Variants in C7 observed in about 807,000 individuals in gnomAD.
The protein encoded by C7 is complement C7, also known as complement component C7.
A neutral mutation model predicts 104.8 loss-of-function variants in C7; 83 were observed. The observed-to-expected ratio is 0.79, with a 90% CI of 0.66 to 0.95. The LOEUF (loss-of-function observed/expected upper bound fraction) is 0.95, where lower values mean the gene tolerates loss of function less well. Ranked by LOEUF, C7 falls within the 40% of genes least tolerant of loss-of-function variation. The pLI, the probability that C7 is intolerant of heterozygous loss-of-function variation, is 0.00. For missense variants in C7, 1,070 were observed against 1,011.2 expected (o/e 1.06, Z -0.79); for synonymous variants, 415 against 360.6 (o/e 1.15, Z -1.71).
intron 1 of C7, among the ~76,000 whole-genome samples, chr5:40,919,453 T>G (rs1420702433): frequency 6.6e-6 from 1 of 152,072 alleles, no homozygotes; most frequent in Non-Finnish European, 1.5e-5. Flanking sequence ...CACAGTGATA[T>G]GACACTAGAA....
At chr5:40,953,079 A>C (rs537341010) in intron 9 of C7, among the ~76,000 whole-genome samples, 27 of 152,248 alleles carry the variant, frequency 1.8e-4, no homozygotes, top group South Asian at 1.7e-3. Flanking sequence ...TCAGTAATAC[A>C]GGGATGGGAC....
At chr5:40,962,875 T>A (rs1458052499) in intron 13 of C7, among the ~76,000 whole-genome samples, 9 of 152,182 alleles carry the variant, frequency 5.9e-5, no homozygotes. Context: ...ATTTTGCTTT[T>A]CAAACCCCAG....
At chr5:40,969,038 A>G (rs1160121191) in intron 14 of C7, among the ~76,000 whole-genome samples, 1 of 152,140 alleles carries the variant, frequency 6.6e-6, no homozygotes, top group African/African-American at 2.4e-5. Flanking sequence ...GAGAGCGCCC[A>G]TCTACTTCCT....
At chr5:40,965,888 C>G (rs1475492869) in intron 14 of C7, among the ~76,000 whole-genome samples, 1 of 151,652 alleles carries the variant, frequency 6.6e-6, no homozygotes, top group Non-Finnish European at 1.5e-5. Flanking sequence ...GGCAATCCAC[C>G]CATCTTGGCC....
chr5:40,971,450 A>G (rs1352149059), intron 14 of C7, among the ~76,000 whole-genome samples: 1 of 152,084 alleles, frequency 6.6e-6, no homozygotes, highest in African/African-American at 2.4e-5. Context: ...TTTCTGTTGT[A>G]AATTTGTTTA....
At chr5:40,912,236 T>C (rs1035885246) in intron 1 of C7, among the ~76,000 whole-genome samples, 3 of 152,188 alleles carry the variant, frequency 2.0e-5, no homozygotes, top group Admixed American at 6.6e-5. Flanking sequence ...AGATTCACTT[T>C]GTATAACATG....
intron 9 of C7, 91 bp from the exon 10 acceptor site, chr5:40,955,296 A>G (rs1459396707): frequency 4.2e-6 from 5 of 1,183,190 alleles, no homozygotes; most frequent in Non-Finnish European, 6.1e-6. Context: ...CTGTTTCCAT[A>G]GTTTGGCTTT....
At chr5:40,958,640 C>T (rs1426500335) in intron 11 of C7, among the ~76,000 whole-genome samples, 1 of 152,148 alleles carries the variant, frequency 6.6e-6, no homozygotes, top group Non-Finnish European at 1.5e-5. Flanking sequence ...ATTTCTATTT[C>T]TATTCTGTGT....
chr5:40,917,847 A>G (rs1465283245), intron 1 of C7, among the ~76,000 whole-genome samples: 2 of 152,232 alleles, frequency 1.3e-5, no homozygotes, highest in African/African-American at 4.8e-5. Flanking sequence ...TGTAAGCTAG[A>G]ACTATTAATG....
intron 6 of C7, among the ~76,000 whole-genome samples, chr5:40,941,924 A>G (rs1384068391): frequency 2.6e-5 from 4 of 152,228 alleles, no homozygotes; most frequent in Non-Finnish European, 5.9e-5. Flanking sequence ...TTCCTCTTGG[A>G]ATTAGCATAG....
At chr5:40,910,387 A>G (rs1402236435) in intron 1 of C7, among the ~76,000 whole-genome samples, 1 of 152,166 alleles carries the variant, frequency 6.6e-6, no homozygotes, top group African/African-American at 2.4e-5. Context: ...GAATAATTTC[A>G]CAGATCTGTC....
At chr5:40,952,236 TCATATTCTCATTTTA>T (rs1241683772) in intron 9 of C7, among the ~76,000 whole-genome samples, 5 of 152,220 alleles carry the variant, frequency 3.3e-5, no homozygotes, top group Non-Finnish European at 7.3e-5. Context: ...TAAGTATTAT[TCATATTCTCATTTTA>T]CAGACAGGGA....
At chr5:40,916,205 T>C (rs1326894341) in intron 1 of C7, among the ~76,000 whole-genome samples, 1 of 152,224 alleles carries the variant, frequency 6.6e-6, no homozygotes, top group African/African-American at 2.4e-5. Flanking sequence ...ATTTTGTTTT[T>C]CAATGCACAT....
intron 6 of C7, among the ~76,000 whole-genome samples, chr5:40,938,088 A>C (rs534338295): frequency 3.3e-5 from 5 of 152,144 alleles, no homozygotes; most frequent in African/African-American, 1.2e-4. Context: ...CATATATACA[A>C]AAGGGTGTGG....
At chr5:40,926,870 A>T (rs1354324567) in intron 1 of C7, among the ~76,000 whole-genome samples, 1 of 152,164 alleles carries the variant, frequency 6.6e-6, no homozygotes, top group Non-Finnish European at 1.5e-5. Context: ...AAATTCTAAC[A>T]TCATTTTTCA....
intron 1 of C7, among the ~76,000 whole-genome samples, chr5:40,922,073 C>CAAA (rs1739449816): frequency 7.3e-6 from 1 of 137,220 alleles, no homozygotes; most frequent in Non-Finnish European, 1.6e-5. Flanking sequence ...CAAACAAAAA[C>CAAA]AACAACAAAA....
chr5:40,963,536 G>A (rs1320762329), intron 13 of C7, among the ~76,000 whole-genome samples: 1 of 152,114 alleles, frequency 6.6e-6, no homozygotes, highest in Non-Finnish European at 1.5e-5. Context: ...GCCAGAGTGG[G>A]CCAGGAAGCA....
At chr5:40,950,473 C>T (rs184405406) in intron 9 of C7, among the ~76,000 whole-genome samples, 4 of 152,050 alleles carry the variant, frequency 2.6e-5, no homozygotes, top group East Asian at 1.9e-4. Context: ...AGGTTGATTC[C>T]GTGTCTTCGC....
chr5:40,931,723 G>C (rs1435157750), intron 3 of C7, among the ~76,000 whole-genome samples: 1 of 152,190 alleles, frequency 6.6e-6, no homozygotes, highest in Non-Finnish European at 1.5e-5. Flanking sequence ...AATACAGAAA[G>C]TTATGAAGAA....
Sources: allele counts gnomAD v4.1 joint callset (sites outside exome capture counted in the v4.1 genomes callset), GRCh38; gene constraint gnomAD v4.1.1; transcripts MANE v1.5; gene names NCBI Gene and HGNC (gene_info 2026-07-23, HGNC 2026-07-21).